The following RABGAP1L variants were observed in gnomAD, a reference collection of about 807,000 sequenced individuals.
RABGAP1L encodes the protein rab GTPase-activating protein 1-like.
A neutral mutation model predicts 137.7 loss-of-function variants in RABGAP1L; 63 were observed. The ratio of observed to expected loss-of-function variants is 0.46; its 90% CI spans 0.37 to 0.56. The LOEUF is 0.56. RABGAP1L is among the 20% of genes least tolerant of loss of function. The probability of loss-of-function intolerance (pLI) is 0.00; values close to 1 mark genes in which losing one functional copy is unlikely to be tolerated. For synonymous variants in RABGAP1L, 431 were observed against 433.7 expected (o/e 0.99, Z 0.08); for missense variants, 1,095 against 1,244.0 (o/e 0.88, Z 1.80).
intron 17 of RABGAP1L, among the ~76,000 whole-genome samples, chr1:174,715,028 T>A (rs1680888935): frequency 6.6e-6 from 1 of 152,184 alleles, no homozygotes; most frequent in Admixed American, 6.5e-5. Context: ...TAGGGCGTAA[T>A]CTTTAAAATT....
rs536902243 is a variant in RABGAP1L, at chr1:174,614,698, G to A, written c.1711-22677G>A. Among the ~76,000 whole-genome samples the A allele has an allele frequency of 3.8e-3, 582 of 152,156 alleles. 3 individuals are homozygous for A. Among genetic ancestry groups the A allele is most frequent in the African/African-American group, 4.2e-3 (173 of 41,518 alleles). On this transcript the variant is annotated intron_variant, in intron 13 of 25. Coordinates refer to ENST00000681986, the MANE Select transcript of RABGAP1L (RefSeq NM_001366446.1). Reference sequence around the variant, plus strand: ...TTTCCAACTTGGTTCCATTCTCCCCGTCACTTTCAGGTACACCAATCAGAC... The same window carrying A: ...TTTCCAACTTGGTTCCATTCTCCCCATCACTTTCAGGTACACCAATCAGAC...
intron 19 of RABGAP1L, among the ~76,000 whole-genome samples, chr1:174,856,464 A>G (rs1649327215): frequency 6.6e-6 from 1 of 152,008 alleles, no homozygotes. Context: ...AAAATATTAT[A>G]TACTTCTAGC....
At chr1:174,841,055 G>T (rs1193363623) in intron 19 of RABGAP1L, among the ~76,000 whole-genome samples, 1 of 152,028 alleles carries the variant, frequency 6.6e-6, no homozygotes, top group East Asian at 1.9e-4. Flanking sequence ...AAGAATAATA[G>T]TTACATAGTA....
chr1:174,800,446 A>T, intron 18 of RABGAP1L: 1 of 1,550,864 alleles, frequency 6.4e-7, no homozygotes, highest in African/African-American at 1.4e-5. Flanking sequence ...ATGCGTGTCG[A>T]GTGCTGGAAC....
chr1:174,730,409 C>G (rs1682365528), intron 17 of RABGAP1L, among the ~76,000 whole-genome samples: 1 of 152,160 alleles, frequency 6.6e-6, no homozygotes, highest in Non-Finnish European at 1.5e-5. Flanking sequence ...CCCCAAACTT[C>G]AGCATTATGC....
chr1:174,180,314 A>G (rs1402820169), intron 1 of RABGAP1L, among the ~76,000 whole-genome samples: 1 of 152,000 alleles, frequency 6.6e-6, no homozygotes, highest in Non-Finnish European at 1.5e-5. Flanking sequence ...ATTTCTTAGC[A>G]CTCTTTACTG....
Position 174,448,052 on chromosome 1 carries a change from G to A in RABGAP1L, c.1710+53907G>A. The A allele has an allele frequency of 6.8e-7, 1 of 1,476,550 alleles. No individual in the cohort carries two copies. Among genetic ancestry groups the A allele is most frequent in the Non-Finnish European group, 9.3e-7 (1 of 1,077,904 alleles). 91.5% of individuals were successfully genotyped at this position (1,476,550 alleles called of 1,614,324 possible). ...CACTCATGTGCGGTGTTTAACAGAT[G>A]CTGGGCAGGGCATCTGCTTGCTGTA... is the stretch of plus-strand genomic sequence containing the variant. On this transcript the variant is annotated intron_variant, in intron 13 of 25. Transcript: ENST00000681986. This position sits in a 1 kb window ranked among gnomAD's most constrained non-coding sequence, Gnocchi z 4.2.
At chr1:174,890,082 G>A (rs1271400106) in intron 19 of RABGAP1L, among the ~76,000 whole-genome samples, 1 of 152,166 alleles carries the variant, frequency 6.6e-6, no homozygotes, top group Admixed American at 6.5e-5. Flanking sequence ...ACAAAAAAAT[G>A]CAGTGATTAT....
chr1:174,635,032 A>G (rs891225130), intron 13 of RABGAP1L, among the ~76,000 whole-genome samples: 1 of 151,496 alleles, frequency 6.6e-6, no homozygotes, highest in Non-Finnish European at 1.5e-5. Flanking sequence ...TTAAAGTATA[A>G]TAAAAAATAA....
chr1:174,160,245 A>G (rs1049259659), intron 1 of RABGAP1L, among the ~76,000 whole-genome samples: 1 of 150,024 alleles, frequency 6.7e-6, no homozygotes, highest in African/African-American at 2.5e-5. Flanking sequence ...TTCAAAGTTG[A>G]CCTCCTGAGC....
At chr1:174,435,614 A>G (rs1653171749) in intron 13 of RABGAP1L, among the ~76,000 whole-genome samples, 1 of 151,954 alleles carries the variant, frequency 6.6e-6, no homozygotes, top group Non-Finnish European at 1.5e-5. Flanking sequence ...TCTTCTTCTC[A>G]CTGATCATTT....
intron 10 of RABGAP1L, among the ~76,000 whole-genome samples, chr1:174,286,450 C>T (rs990502197): frequency 2.6e-5 from 4 of 151,902 alleles, no homozygotes; most frequent in African/African-American, 7.2e-5. Flanking sequence ...TTTGAGTCCT[C>T]TCTCTTTTTT....
chr1:174,512,763 A>G (rs1264893030), intron 13 of RABGAP1L, among the ~76,000 whole-genome samples: 3 of 152,182 alleles, frequency 2.0e-5, no homozygotes, highest in Non-Finnish European at 4.4e-5. Context: ...GGAGGCCTCT[A>G]TGACAAGCAT....
intron 19 of RABGAP1L, among the ~76,000 whole-genome samples, chr1:174,907,984 A>G (rs1659393721): frequency 6.6e-6 from 1 of 152,226 alleles, no homozygotes; most frequent in Non-Finnish European, 1.5e-5. Flanking sequence ...AATATATTCT[A>G]TGCAACTGGA....
chr1:174,897,406 G>C (rs928301307), intron 19 of RABGAP1L: 5 of 152,114 alleles, frequency 3.3e-5, no homozygotes, highest in African/African-American at 1.2e-4. Flanking sequence ...TGTGAAAATC[G>C]TATGAAATCA....
chr1:174,745,372 A>G (rs1683790613), intron 17 of RABGAP1L, among the ~76,000 whole-genome samples: 1 of 152,206 alleles, frequency 6.6e-6, no homozygotes, highest in African/African-American at 2.4e-5. Context: ...CTACTGGTAA[A>G]AGCAGTACCA....
chr1:174,953,223 C>A (rs558258747), intron 19 of RABGAP1L, among the ~76,000 whole-genome samples: 1 of 152,214 alleles, frequency 6.6e-6, no homozygotes. Flanking sequence ...TATATTCAGT[C>A]TGAAAGAGTC....
intron 3 of RABGAP1L, among the ~76,000 whole-genome samples, chr1:174,222,212 A>G (rs531050892): frequency 6.6e-6 from 1 of 152,298 alleles, no homozygotes; most frequent in East Asian, 1.9e-4. Context: ...AGTGAGGGAA[A>G]TGACATGAAC....
intron 13 of RABGAP1L, among the ~76,000 whole-genome samples, chr1:174,524,713 T>A (rs1663724276): frequency 7.0e-6 from 1 of 143,426 alleles, no homozygotes; most frequent in Non-Finnish European, 1.5e-5. Context: ...GTAAAATCTT[T>A]GCCTGGACCA....
Sources: gnomAD v4.1 joint callset for allele counts (sites outside exome capture counted in the v4.1 genomes callset) on GRCh38, gnomAD v4.1.1 for gene constraint, Gnocchi (gnomAD v3.1) non-coding constraint, MANE v1.5 for transcripts, NCBI Gene and HGNC (gene_info 2026-07-23, HGNC 2026-07-21) for gene names.